The following EIF4G3 variants were observed in gnomAD, a reference collection of about 807,000 sequenced individuals.
EIF4G3 encodes the protein eukaryotic translation initiation factor 4 gamma 3, also known as eIF-4-gamma 3.
EIF4G3 carries 34 observed loss-of-function variants against 186.4 expected under a neutral mutation model. That is an observed-to-expected ratio of 0.18 (90% CI 0.14 to 0.24). The LOEUF (loss-of-function observed/expected upper bound fraction) is 0.24, where lower values mean the gene tolerates loss of function less well. Ranked by LOEUF, EIF4G3 falls within the 10% of genes least tolerant of loss-of-function variation. The pLI is 1.00. For synonymous variants in EIF4G3, 673 were observed against 679.5 expected (o/e 0.99, Z 0.15); for missense variants, 1,536 against 1,948.5 (o/e 0.79, Z 3.99).
At chr1:21,163,563 A>C (rs1356655509) in intron 2 of EIF4G3, among the ~76,000 whole-genome samples, 1 of 152,210 alleles carries the variant, frequency 6.6e-6, no homozygotes, top group Non-Finnish European at 1.5e-5. Context: ...ATCTTACAAA[A>C]TCAGCAACTC....
intron 30 of EIF4G3, among the ~76,000 whole-genome samples, chr1:20,831,342 G>A (rs2154547987): frequency 6.7e-6 from 1 of 148,434 alleles, no homozygotes; most frequent in South Asian, 2.1e-4. Flanking sequence ...AATGTGGGAT[G>A]GAGGTAGAGG....
At chr1:20,821,696 A>C (rs1472017999) in intron 33 of EIF4G3, among the ~76,000 whole-genome samples, 4 of 150,784 alleles carry the variant, frequency 2.7e-5, no homozygotes, top group Admixed American at 2.6e-4. Flanking sequence ...TGTATACTTC[A>C]CCATCTTCCC....
At chr1:20,921,996 C>G (rs1445879870) in intron 14 of EIF4G3, among the ~76,000 whole-genome samples, 1 of 152,188 alleles carries the variant, frequency 6.6e-6, no homozygotes, top group African/African-American at 2.4e-5. Flanking sequence ...ATTCAACATC[C>G]TTTCAATTCA....
intron 33 of EIF4G3, 78 bp from the exon 34 acceptor site, chr1:20,817,616 C>A: frequency 1.2e-6 from 1 of 869,462 alleles, no homozygotes; most frequent in Non-Finnish European, 1.5e-6. Flanking sequence ...AGAACAAAGT[C>A]ATAGGTTACG....
At chr1:20,973,498 G>A (rs2076281364) in intron 10 of EIF4G3, among the ~76,000 whole-genome samples, 1 of 152,218 alleles carries the variant, frequency 6.6e-6, no homozygotes, top group East Asian at 1.9e-4. Context: ...GTCAGGGACA[G>A]AAGGGAATAT....
chr1:20,913,169 C>G (rs1197710729), intron 14 of EIF4G3, among the ~76,000 whole-genome samples: 2 of 152,172 alleles, frequency 1.3e-5, no homozygotes, highest in Non-Finnish European at 2.9e-5. Context: ...TGCTCTATCA[C>G]TACTTCACAA....
intron 2 of EIF4G3, among the ~76,000 whole-genome samples, chr1:21,115,463 T>C (rs1444244489): frequency 6.6e-6 from 1 of 152,228 alleles, no homozygotes; most frequent in Non-Finnish European, 1.5e-5. Context: ...AGTGAGCACA[T>C]GCTGTTGAAA....
At chr1:21,089,244 C>A (rs1420447834) in intron 2 of EIF4G3, 31 bp from the exon 3 acceptor site, 2 of 708,232 alleles carry the variant, frequency 2.8e-6, no homozygotes, top group Admixed American at 2.1e-5. Flanking sequence ...TAAGAGAATT[C>A]AAAAATGGAT....
chr1:20,842,980 G>A (rs2069241745), intron 29 of EIF4G3, among the ~76,000 whole-genome samples: 1 of 151,818 alleles, frequency 6.6e-6, no homozygotes, highest in Non-Finnish European at 1.5e-5. Flanking sequence ...AAGTAGCTGG[G>A]ACCACAGGCA....
chr1:21,072,391 T>TTTTTA (rs1173152102), intron 3 of EIF4G3, among the ~76,000 whole-genome samples: 1 of 151,854 alleles, frequency 6.6e-6, no homozygotes, highest in Non-Finnish European at 1.5e-5. Flanking sequence ...ACATTTAATT[T>TTTTTA]TTTTATTTTA....
chr1:20,816,810 G>A (rs1480244075), intron 34 of EIF4G3, among the ~76,000 whole-genome samples: 2 of 93,794 alleles, frequency 2.1e-5, no homozygotes, highest in African/African-American at 3.7e-5. Context: ...AGGCGGGAAG[G>A]GTGGGGAAAA....
At chr1:20,943,901 T>C (rs1037422894) in intron 13 of EIF4G3, among the ~76,000 whole-genome samples, 1 of 151,164 alleles carries the variant, frequency 6.6e-6, no homozygotes, top group African/African-American at 2.4e-5. Flanking sequence ...TAGGCTCTCA[T>C]TGCCAAATCC....
intron 2 of EIF4G3, among the ~76,000 whole-genome samples, chr1:21,105,861 G>A (rs1278918824): frequency 3.9e-5 from 6 of 152,072 alleles, no homozygotes; most frequent in South Asian, 2.1e-4. Flanking sequence ...CTAGGAGTTC[G>A]AGGCCAGCCT....
intron 23 of EIF4G3, among the ~76,000 whole-genome samples, 164 bp downstream of exon 23, chr1:20,862,064 T>C (rs1026640289): frequency 1.3e-5 from 2 of 152,152 alleles, no homozygotes; most frequent in Non-Finnish European, 2.9e-5. Flanking sequence ...AGGCCTTTTG[T>C]CCCTTCTCAG....
intron 8 of EIF4G3, among the ~76,000 whole-genome samples, chr1:20,981,659 G>C (rs1350921394): frequency 1.7e-5 from 2 of 114,534 alleles, no homozygotes; most frequent in African/African-American, 6.5e-5. Flanking sequence ...ATACATACAT[G>C]TATACGCACA....
chr1:21,083,037 C>CAAAAAAA (rs544781256), intron 3 of EIF4G3, among the ~76,000 whole-genome samples: 43 of 66,422 alleles, frequency 6.5e-4, no homozygotes, highest in African/African-American at 2.0e-3. Context: ...GACTCTGTCT[C>CAAAAAAA]AAAAAAAAAA....
intron 7 of EIF4G3, among the ~76,000 whole-genome samples, chr1:20,989,912 C>G (rs976745764): frequency 6.6e-6 from 1 of 152,140 alleles, no homozygotes; most frequent in African/African-American, 2.4e-5. Context: ...TGCAGTAGCT[C>G]ACGCCTGTAA....
chr1:21,113,164 AAAAAAAAAAAG>A (rs1558021193), intron 2 of EIF4G3, among the ~76,000 whole-genome samples: 1 of 149,426 alleles, frequency 6.7e-6, no homozygotes, highest in African/African-American at 2.4e-5. Flanking sequence ...AAAAAAAAAA[AAAAAAAAAAAG>A]AGCTATGTAA....
chr1:20,944,279 C>G (rs1246063066), intron 13 of EIF4G3, among the ~76,000 whole-genome samples: 2 of 151,926 alleles, frequency 1.3e-5, no homozygotes, highest in Non-Finnish European at 2.9e-5. Context: ...CTTTAGGAGG[C>G]TGAGACGGGA....
Sources: gnomAD v4.1 joint callset for allele counts (sites outside exome capture counted in the v4.1 genomes callset) on GRCh38, gnomAD v4.1.1 for gene constraint, MANE v1.5 for transcripts, NCBI Gene and HGNC (gene_info 2026-07-23, HGNC 2026-07-21) for gene names.